The following ASB15 variants were observed in gnomAD, a reference collection of about 807,000 sequenced individuals.
The protein encoded by ASB15 is ankyrin repeat and SOCS box protein 15.
A neutral mutation model predicts 58.0 loss-of-function variants in ASB15; 54 were observed. That is an observed-to-expected ratio of 0.93 (90% CI 0.75 to 1.17). The LOEUF is 1.17. Among genes scored for constraint, ASB15 ranks in the 50% most tolerant of loss-of-function variants. The pLI is 0.00. For synonymous variants in ASB15, 249 were observed against 262.4 expected, an observed-to-expected ratio of 0.95 and a Z score of 0.50; for missense variants, 680 against 707.4, an observed-to-expected ratio of 0.96 and a Z score of 0.44.
rs186242429 is a variant in ASB15, at chr7:123,608,637, C to G, written c.-20C>G. On this transcript the variant is annotated 5_prime_UTR_variant, in exon 3 of 12. The change creates a new upstream start codon in the 5' untranslated region. Transcript: ENST00000451215. ...AAGGCAAATACCATAAAGAAGGAATCGCTGTAACTTATTGCTTGTAAGTAA... is the reference window on the plus strand; with the variant it reads ...AAGGCAAATACCATAAAGAAGGAATGGCTGTAACTTATTGCTTGTAAGTAA... The G allele has an allele frequency of 1.3e-5, 2 of 152,248 alleles. No homozygotes were observed. The highest frequency in any genetic ancestry group is 3.4e-3 in the Middle Eastern group (1 of 294). 9.4% of individuals were successfully genotyped at this position (152,248 alleles called of 1,614,324 possible). A position where few individuals can be genotyped will look rare whatever the true frequency, so the allele number is the denominator to read the frequency against.
chr7:123,618,029 T>C (rs777275315), intron 7 of ASB15, among the ~76,000 whole-genome samples: 5 of 152,136 alleles, frequency 3.3e-5, no homozygotes, highest in Non-Finnish European at 7.4e-5. Flanking sequence ...GAATATTCTC[T>C]AGGTAGGATC....
chr7:123,614,278 C>A, intron 3 of ASB15: 1 of 427,324 alleles, frequency 2.3e-6, no homozygotes, highest in Admixed American at 4.5e-5. Context: ...TGCAAATGCT[C>A]AAAGGGCAGG....
intron 1 of ASB15, among the ~76,000 whole-genome samples, chr7:123,585,278 C>A (rs1431801007): frequency 1.3e-5 from 2 of 151,500 alleles, no homozygotes; most frequent in East Asian, 3.9e-4. Context: ...TAAAAATAAA[C>A]TGTTTAACTG....
chr7:123,636,552 T>C (rs1802436718), intron 11 of ASB15, among the ~76,000 whole-genome samples: 2 of 152,322 alleles, frequency 1.3e-5, no homozygotes, highest in Admixed American at 6.5e-5. Context: ...CAAATTCTAG[T>C]TGAACACCTA....
chr7:123,607,486 A>G (rs1800206311), intron 2 of ASB15, among the ~76,000 whole-genome samples: 1 of 151,874 alleles, frequency 6.6e-6, no homozygotes, highest in African/African-American at 2.4e-5. Flanking sequence ...TCTTTTATTT[A>G]TTTACTTATT....
intron 11 of ASB15, among the ~76,000 whole-genome samples, chr7:123,632,056 C>G (rs532940617): frequency 9.4e-4 from 143 of 151,826 alleles, no homozygotes; most frequent in African/African-American, 3.2e-3. Context: ...CCAGCCTGGG[C>G]GACAGAGCGA....
Position 123,614,513 on chromosome 7 carries a change from A to C in ASB15, c.11A>C (p.Asn4Thr). 6.3e-7 allele frequency: 1 copy of C among 1,597,210 alleles called. No individual in the cohort carries two copies. Among genetic ancestry groups the C allele is most frequent in the Non-Finnish European group, 8.6e-7 (1 of 1,165,458 alleles). Reference protein sequence around the residue: MDTNDDPDEDHLTS... With the variant: MDTTDDPDEDHLTS... ...AAATTATATGCAGGAATGGATACTA[A>C]TGATGACCCTGATGAAGACCATCTT... is the stretch of plus-strand genomic sequence containing the variant. The change falls in exon 4 of 12, where the codon AAT becomes ACT. Residue 4 changes from asparagine to threonine, a missense_variant. Asn to Thr is a moderately conservative substitution (Grantham distance 65). Transcript: ENST00000451215.
rs767412628 is a variant in ASB15 at position 123,629,266 on chromosome 7, TG to T, written c.1273del (p.Ala425LeufsTer2). 4 of 1,614,046 alleles carry T rather than the reference TG, an allele frequency of 2.5e-6. No individual in the cohort carries two copies. Among genetic ancestry groups the T allele is most frequent in the Non-Finnish European group, 3.4e-6 (4 of 1,180,008 alleles). On this transcript the variant is annotated frameshift_variant, in exon 10 of 12. Transcript: ENST00000451215. LOFTEE classifies it high-confidence loss of function. ...DTRFPSVIQY[A>X]LNDEVMLRLL... ...CTCGTTTCCCCAGTGTCATTCAATA[TG>T]CTCTAAACGACGAGGTAATGCTGAG...
chr7:123,620,507 CATATATAT>C (rs1395766241), intron 7 of ASB15, among the ~76,000 whole-genome samples: 424 of 29,586 alleles, frequency 0.014, 1 homozygote, highest in African/African-American at 0.028. Context: ...CATATACATA[CATATATAT>C]ATATATATAT....
At chr7:123,619,876 A>T (rs930637002) in intron 7 of ASB15, 1 of 152,324 alleles carries the variant, frequency 6.6e-6, no homozygotes, top group South Asian at 2.1e-4. Context: ...ACAAATTCAG[A>T]TAAGATGGGA....
intron 1 of ASB15, among the ~76,000 whole-genome samples, chr7:123,592,764 G>A (rs1799576151): frequency 6.6e-6 from 1 of 152,190 alleles, no homozygotes; most frequent in Admixed American, 6.5e-5. Flanking sequence ...ATATTCTGTT[G>A]ATTTGGGGTG....
chr7:123,619,561 T>C (rs1801092614), intron 7 of ASB15, among the ~76,000 whole-genome samples: 1 of 152,080 alleles, frequency 6.6e-6, no homozygotes, highest in Non-Finnish European at 1.5e-5. Flanking sequence ...TCTCGCTCTG[T>C]TGCCCAGGCT....
chr7:123,568,879 A>G (rs1798830954), intron 1 of ASB15, among the ~76,000 whole-genome samples: 1 of 152,248 alleles, frequency 6.6e-6, no homozygotes, highest in South Asian at 2.1e-4. Context: ...AATTATGAAA[A>G]TACATAATAA....
chr7:123,573,619 C>A (rs1798979242), intron 1 of ASB15, among the ~76,000 whole-genome samples: 1 of 152,030 alleles, frequency 6.6e-6, no homozygotes, highest in South Asian at 2.1e-4. Flanking sequence ...TAGCAATCAA[C>A]ATAGTTTTTC....
chr7:123,574,750 A>C (rs996954759), intron 1 of ASB15, among the ~76,000 whole-genome samples: 1 of 152,086 alleles, frequency 6.6e-6, no homozygotes, highest in Non-Finnish European at 1.5e-5. Flanking sequence ...TCTTACATCA[A>C]GCAATATTTT....
rs1176571240 is a variant in ASB15 at position 123,616,434 on chromosome 7, G to C, written c.231G>C (p.Trp77Cys). ...YAMDEADEKGWFPLHEAVVQP... is the reference protein window; with the variant it reads ...YAMDEADEKGCFPLHEAVVQP... ...TGGATGAAGCTGATGAAAAAGGATGGTTTCCATTGCATGAAGCTGTTGTTC... is the reference window on the plus strand; with the variant it reads ...TGGATGAAGCTGATGAAAAAGGATGCTTTCCATTGCATGAAGCTGTTGTTC... The change falls in exon 6 of 12, where the codon TGG becomes TGC. Residue 77 changes from tryptophan (W) to cysteine (C), a missense_variant. Transcript: ENST00000451215. 1 of 1,610,240 alleles carries C rather than the reference G, an allele frequency of 6.2e-7. No homozygotes were observed. The highest frequency in any genetic ancestry group is 8.5e-7 in the Non-Finnish European group (1 of 1,176,782).
chr7:123,633,614 A>ATT (rs1779354869), intron 11 of ASB15, among the ~76,000 whole-genome samples: 1 of 150,610 alleles, frequency 6.6e-6, no homozygotes, highest in Non-Finnish European at 1.5e-5. Context: ...GATTATGCTG[A>ATT]GTGTGTGTGT....
rs1425484873 is a variant in ASB15 at position 123,629,039 on chromosome 7, G to A, written c.1045G>A (p.Glu349Lys). The change falls in exon 10 of 12, where the codon GAG (glutamate) becomes AAG (lysine). Residue 349 changes from glutamate (E) to lysine (K), a missense_variant. Physicochemically the swap from Glu to Lys is moderately conservative, Grantham distance 56. Transcript: ENST00000451215. Reference protein sequence around the residue: ...ADHISQSYDDERKTALYFGVS... With the variant: ...ADHISQSYDDKRKTALYFGVS... The stretch of plus-strand genomic sequence containing the variant: ...CCACATTTCCCAGAGCTATGACGAT[G>A]AGAGGAAGACTGCGCTGTATTTTGG... 6.2e-7 allele frequency: 1 copy of A among 1,613,766 alleles called. No homozygotes were observed. Among genetic ancestry groups the A allele is most frequent in the South Asian group, 1.1e-5 (1 of 90,974 alleles).
chr7:123,634,194 T>TC (rs1802292573), intron 11 of ASB15, among the ~76,000 whole-genome samples: 2 of 151,994 alleles, frequency 1.3e-5, no homozygotes, highest in South Asian at 4.1e-4. Context: ...ATGCTCAGAC[T>TC]CCCCCAGCCA....
Sources: allele counts gnomAD v4.1 joint callset (sites outside exome capture counted in the v4.1 genomes callset), GRCh38; gene constraint gnomAD v4.1.1; transcripts MANE v1.5; gene names NCBI Gene and HGNC (gene_info 2026-07-23, HGNC 2026-07-21).